Variants in PDE11A observed in about 807,000 individuals in gnomAD.
The protein encoded by PDE11A is dual 3',5'-cyclic-AMP and -GMP phosphodiesterase 11A.
Under a neutral mutation model 100.5 loss-of-function variants are expected in PDE11A, and 100 were observed. That is an observed-to-expected ratio of 1.00 (90% CI 0.85 to 1.18). The LOEUF (loss-of-function observed/expected upper bound fraction) is 1.18, where lower values mean the gene tolerates loss of function less well. Ranked by LOEUF, PDE11A falls within the 50% of genes most tolerant of loss-of-function variation. The pLI, the probability that PDE11A is intolerant of heterozygous loss-of-function variation, is 0.00. For missense variants in PDE11A, 1,141 were observed against 1,152.6 expected, an observed-to-expected ratio of 0.99 and a Z score of 0.15; for synonymous variants, 381 against 420.8, an observed-to-expected ratio of 0.91 and a Z score of 1.16.
At chr2:177,683,636 C>G (rs1530034) in intron 15 of PDE11A, among the ~76,000 whole-genome samples, 3 of 152,020 alleles carry the variant, frequency 2.0e-5, no homozygotes, top group African/African-American at 4.8e-5. Flanking sequence ...TTAACAGGAA[C>G]CTCTCTTGCT....
At chr2:178,017,382 A>G (rs1238765547) in intron 1 of PDE11A, among the ~76,000 whole-genome samples, 5 of 152,260 alleles carry the variant, frequency 3.3e-5, no homozygotes, top group African/African-American at 1.2e-4. Context: ...AAATGAATAA[A>G]TTAGAGCTAC....
intron 1 of PDE11A, among the ~76,000 whole-genome samples, chr2:178,025,439 T>G (rs1403354629): frequency 6.6e-6 from 1 of 152,218 alleles, no homozygotes; most frequent in African/African-American, 2.4e-5. Flanking sequence ...GTTGCTAAAG[T>G]AAACTTTGTT....
intron 2 of PDE11A, among the ~76,000 whole-genome samples, chr2:177,950,296 C>G (rs1156746373): frequency 6.6e-6 from 1 of 152,026 alleles, no homozygotes; most frequent in Non-Finnish European, 1.5e-5. Context: ...GTCTTGCCTT[C>G]ACTCTTTCTT....
At chr2:177,973,289 C>A (rs540703931) in intron 2 of PDE11A, among the ~76,000 whole-genome samples, 2 of 122,174 alleles carry the variant, frequency 1.6e-5, no homozygotes, top group South Asian at 6.4e-4. Context: ...CGCAAGGGGT[C>A]AGGGAGTTCC....
intron 5 of PDE11A, among the ~76,000 whole-genome samples, chr2:177,870,192 A>G (rs920059200): frequency 9.2e-5 from 14 of 152,192 alleles, no homozygotes; most frequent in Non-Finnish European, 1.5e-4. Context: ...TTCTTCCTTC[A>G]TTGTTGCTTT....
chr2:177,916,413 A>G (rs1179981629), intron 2 of PDE11A, among the ~76,000 whole-genome samples: 1 of 151,940 alleles, frequency 6.6e-6, no homozygotes, highest in Non-Finnish European at 1.5e-5. Context: ...TACATCCCTA[A>G]CCCCACTTCT....
chr2:177,715,258 C>T (rs1028780121), intron 12 of PDE11A, among the ~76,000 whole-genome samples: 1 of 152,164 alleles, frequency 6.6e-6, no homozygotes, highest in African/African-American at 2.4e-5. Flanking sequence ...AAGTTGCTTT[C>T]GAGAAGAACA....
intron 2 of PDE11A, among the ~76,000 whole-genome samples, chr2:177,909,003 A>G (rs2084833996): frequency 6.6e-6 from 1 of 152,146 alleles, no homozygotes; most frequent in Admixed American, 6.5e-5. Context: ...CCGACAAAGC[A>G]CCCCTCAATT....
At chr2:178,066,693 C>A (rs954152192) in intron 1 of PDE11A, among the ~76,000 whole-genome samples, 1 of 152,170 alleles carries the variant, frequency 6.6e-6, no homozygotes, top group African/African-American at 2.4e-5. Context: ...AGGTGCATGC[C>A]CCACACCACC....
rs536630658 is a variant in PDE11A at position 178,066,925 on chromosome 2, G to C, written c.912+4601C>G. On this transcript the variant is annotated intron_variant, in intron 1 of 19. Coordinates refer to ENST00000286063, the MANE Select transcript of PDE11A (RefSeq NM_016953.4). ...AGACTGACTTCTTTAACCCCGGCCA[G>C]AGTCCTGCTTTACCATCTTGCACTA... Among the ~76,000 whole-genome samples, 33 of 152,322 alleles carry C rather than the reference G, an allele frequency of 2.2e-4. 1 individual carries two copies. In the South Asian group the frequency reaches 6.9e-3, roughly 32 times the overall value.
chr2:177,921,092 C>CTT (rs58365596), intron 2 of PDE11A, among the ~76,000 whole-genome samples: 9 of 138,208 alleles, frequency 6.5e-5, no homozygotes, highest in Non-Finnish European at 9.4e-5. Flanking sequence ...TCAAAAATAA[C>CTT]TTTTTTTTTT....
At chr2:177,937,868 A>T (rs888856143) in intron 2 of PDE11A, among the ~76,000 whole-genome samples, 1 of 152,114 alleles carries the variant, frequency 6.6e-6, no homozygotes, top group African/African-American at 2.4e-5. Flanking sequence ...AAGGCTATAG[A>T]TTTATTTTCT....
rs745423621 is a variant in PDE11A, at chr2:177,905,233, A to G, written c.1072-46T>C. The G allele has an allele frequency of 8.8e-6, 9 of 1,027,154 alleles. No individual in the cohort carries two copies. The Admixed American group carries it at 1.2e-4, about 14-fold the overall frequency. 63.6% of individuals were successfully genotyped at this position (1,027,154 alleles called of 1,614,324 possible). Reference sequence around the variant, plus strand: ...AGAACATTAAAACATAAGAACATTGATACATCCCTTGTAGACTAAATTGCA... The same window carrying G: ...AGAACATTAAAACATAAGAACATTGGTACATCCCTTGTAGACTAAATTGCA... On this transcript the variant is annotated intron_variant, in intron 2 of 19. Coordinates refer to ENST00000286063, the MANE Select transcript of PDE11A (RefSeq NM_016953.4).
intron 1 of PDE11A, among the ~76,000 whole-genome samples, chr2:178,028,890 C>A (rs1010475263): frequency 6.6e-6 from 1 of 152,144 alleles, no homozygotes; most frequent in Non-Finnish European, 1.5e-5. Flanking sequence ...ATTTAACCGA[C>A]TAGAATTCTT....
At chr2:178,096,978 T>C (rs1479073967) in intron 2 of PDE11A, among the ~76,000 whole-genome samples, 1 of 152,154 alleles carries the variant, frequency 6.6e-6, no homozygotes, top group Non-Finnish European at 1.5e-5. Flanking sequence ...CCTCTGCCTC[T>C]GGGGTTCAAG....
chr2:177,776,953 G>A (rs2082386585), intron 9 of PDE11A, among the ~76,000 whole-genome samples: 2 of 152,064 alleles, frequency 1.3e-5, no homozygotes, highest in Admixed American at 1.3e-4. Flanking sequence ...TCATGATAGT[G>A]AGTCCTCATG....
Position 177,928,786 on chromosome 2 carries a change from G to A in PDE11A, c.1072-23599C>T, listed in dbSNP as rs184937372. Among the ~76,000 whole-genome samples, 1,337 of 152,052 alleles carry A rather than the reference G, an allele frequency of 8.8e-3. 33 individuals carry two copies. The highest frequency in any genetic ancestry group is 7.3e-3 in the Non-Finnish European group (493 of 67,984). ...CCTGAGGTGGGAGGATCGCTTGGGT[G>A]TGGGAGGTCAAGGTTGCAGTCAGCC... On this transcript the variant is annotated intron_variant, in intron 2 of 19. Transcript: ENST00000286063.
chr2:177,717,444 C>A (rs1051537276), intron 12 of PDE11A, among the ~76,000 whole-genome samples: 1 of 152,102 alleles, frequency 6.6e-6, no homozygotes, highest in African/African-American at 2.4e-5. Context: ...TATTTTAATG[C>A]ATTTACCCCA....
At chr2:177,954,168 C>T (rs901966646) in intron 2 of PDE11A, among the ~76,000 whole-genome samples, 1 of 151,880 alleles carries the variant, frequency 6.6e-6, no homozygotes, top group Non-Finnish European at 1.5e-5. Flanking sequence ...CCTTTGAAAT[C>T]CTCAATCCTA....
Sources: allele counts gnomAD v4.1 joint callset (sites outside exome capture counted in the v4.1 genomes callset), GRCh38; gene constraint gnomAD v4.1.1; transcripts MANE v1.5; gene names NCBI Gene and HGNC (gene_info 2026-07-23, HGNC 2026-07-21).